PDE7B: variants seen among roughly 807,000 people sequenced by gnomAD.
The protein encoded by PDE7B is 3',5'-cyclic-AMP phosphodiesterase 7B.
In PDE7B, 29 loss-of-function variants were observed where a neutral mutation model predicts 56.2. The observed-to-expected ratio is 0.52, with a 90% CI of 0.38 to 0.70. The LOEUF (loss-of-function observed/expected upper bound fraction) is 0.70, where lower values mean the gene tolerates loss of function less well. Among genes scored for constraint, PDE7B ranks in the 30% least tolerant of loss-of-function variants. The pLI is 0.00. For synonymous variants in PDE7B, 197 were observed against 196.9 expected (o/e 1.00, Z 0.00); for missense variants, 490 against 565.0 (o/e 0.87, Z 1.35).
At chr6:135,915,565 A>G (rs78940374) in intron 1 of PDE7B, among the ~76,000 whole-genome samples, 4 of 152,200 alleles carry the variant, frequency 2.6e-5, no homozygotes, top group Admixed American at 6.5e-5. Flanking sequence ...TTTGGGGGGT[A>G]TAATTCGTAT....
chr6:136,033,261 A>AT lies in PDE7B; in HGVS notation c.83-75463dup, dbSNP rs910662919. Among the ~76,000 whole-genome samples, 15 of 152,312 alleles carry AT rather than the reference A, an allele frequency of 9.8e-5. 1 individual carries two copies. In the South Asian group the frequency reaches 1.5e-3, roughly 15 times the overall value. The stretch of plus-strand genomic sequence containing the variant: ...CTCAACCTTTTGTCTCACTGGACCC[A>AT]TTTTTTTGGAAAATTCACAGAGACA... On this transcript the variant is annotated intron_variant, in intron 2 of 12. Transcript: ENST00000308191.
At chr6:135,901,217 T>C (rs1775993956) in intron 1 of PDE7B, among the ~76,000 whole-genome samples, 1 of 152,202 alleles carries the variant, frequency 6.6e-6, no homozygotes, top group Non-Finnish European at 1.5e-5. Flanking sequence ...CATTCATACT[T>C]GGGCTTCTCC....
At chr6:136,133,302 T>C (rs1025666836) in intron 3 of PDE7B, among the ~76,000 whole-genome samples, 10 of 151,378 alleles carry the variant, frequency 6.6e-5, no homozygotes, top group Non-Finnish European at 1.2e-4. Flanking sequence ...GTTTTCTTTC[T>C]GGAAGTTTTT....
intron 4 of PDE7B, 61 bp downstream of exon 4, chr6:136,147,563 G>C (rs1778437958): frequency 1.4e-6 from 2 of 1,431,482 alleles, no homozygotes; most frequent in Non-Finnish European, 9.8e-7. Context: ...TGCCTCAGCT[G>C]ATAGCACTGG....
At chr6:135,958,357 C>A (rs1774837354) in intron 2 of PDE7B, among the ~76,000 whole-genome samples, 2 of 152,260 alleles carry the variant, frequency 1.3e-5, no homozygotes, top group Non-Finnish European at 2.9e-5. Flanking sequence ...TTGTATACAT[C>A]AAACTGTACT....
chr6:135,892,876 T>A (rs1350318364), intron 1 of PDE7B, among the ~76,000 whole-genome samples: 1 of 152,204 alleles, frequency 6.6e-6, no homozygotes, highest in Non-Finnish European at 1.5e-5. Flanking sequence ...GCTGTATAAA[T>A]GAGACATATG....
intron 1 of PDE7B, among the ~76,000 whole-genome samples, chr6:135,940,051 T>A (rs1235696310): frequency 6.6e-6 from 1 of 152,194 alleles, no homozygotes; most frequent in Non-Finnish European, 1.5e-5. Context: ...GATTTTTTTT[T>A]AAATCACTAT....
At chr6:136,006,386 G>A (rs2128206649) in intron 2 of PDE7B, among the ~76,000 whole-genome samples, 1 of 152,108 alleles carries the variant, frequency 6.6e-6, no homozygotes, top group Middle Eastern at 3.4e-3. Context: ...GATTGTCTTG[G>A]CTATCTGGGC....
At chr6:136,107,172 G>C (rs891536413) in intron 2 of PDE7B, among the ~76,000 whole-genome samples, 3 of 152,148 alleles carry the variant, frequency 2.0e-5, no homozygotes, top group Admixed American at 6.6e-5. Flanking sequence ...GCAGCTGATG[G>C]GGATCTCACC....
At chr6:135,975,147 T>G (rs75855805) in intron 2 of PDE7B, among the ~76,000 whole-genome samples, 1 of 151,990 alleles carries the variant, frequency 6.6e-6, no homozygotes, top group East Asian at 1.9e-4. Context: ...GTTTTTTTTT[T>G]GTTTTGTTTT....
At chr6:135,892,287 G>T (rs1041030847) in intron 1 of PDE7B, among the ~76,000 whole-genome samples, 1 of 152,074 alleles carries the variant, frequency 6.6e-6, no homozygotes, top group Non-Finnish European at 1.5e-5. Context: ...TTTCAGAAAC[G>T]TGAGAATCAA....
chr6:136,122,198 T>C (rs1033340265), intron 3 of PDE7B, among the ~76,000 whole-genome samples: 18 of 152,042 alleles, frequency 1.2e-4, no homozygotes, highest in Admixed American at 1.0e-3. Context: ...GGTTTCACCG[T>C]GTTAGCCAGG....
At chr6:136,029,276 T>C (rs551996773) in intron 2 of PDE7B, among the ~76,000 whole-genome samples, 1 of 152,152 alleles carries the variant, frequency 6.6e-6, no homozygotes, top group Admixed American at 6.5e-5. Flanking sequence ...ATCAATTGCC[T>C]CCTCAAAGTT....
At chr6:135,933,661 G>A (rs575350599) in intron 1 of PDE7B, among the ~76,000 whole-genome samples, 246 of 152,184 alleles carry the variant, frequency 1.6e-3, no homozygotes, top group African/African-American at 5.5e-3. Context: ...TAAAAAATTC[G>A]AATAAGCAAA....
At chr6:136,029,006 G>T (rs1776195658) in intron 2 of PDE7B, among the ~76,000 whole-genome samples, 1 of 152,168 alleles carries the variant, frequency 6.6e-6, no homozygotes, top group African/African-American at 2.4e-5. Flanking sequence ...TGTGTTTACA[G>T]GACTAGGTGA....
chr6:135,877,730 C>A (rs1414221252), intron 1 of PDE7B, among the ~76,000 whole-genome samples: 4 of 148,900 alleles, frequency 2.7e-5, no homozygotes, highest in Non-Finnish European at 5.9e-5. Context: ...AGTACACAGA[C>A]CTCCAGGAAA....
intron 2 of PDE7B, among the ~76,000 whole-genome samples, chr6:136,104,851 G>A (rs547118859): frequency 6.6e-6 from 1 of 152,310 alleles, no homozygotes; most frequent in East Asian, 1.9e-4. Context: ...TTAGGTTTAT[G>A]AGGAATCAGC....
chr6:135,870,101 G>A (rs538117142), intron 1 of PDE7B, among the ~76,000 whole-genome samples: 3 of 152,172 alleles, frequency 2.0e-5, no homozygotes, highest in Non-Finnish European at 4.4e-5. Context: ...GGCTAGGGAC[G>A]ACATCATAAG....
At chr6:135,977,300 A>T in intron 2 of PDE7B, among the ~76,000 whole-genome samples, 1 of 152,134 alleles carries the variant, frequency 6.6e-6, no homozygotes. Context: ...GGATGGGTGG[A>T]GATATGGTTC....
Sources: gnomAD v4.1 joint callset for allele counts (sites outside exome capture counted in the v4.1 genomes callset) on GRCh38, gnomAD v4.1.1 for gene constraint, MANE v1.5 for transcripts, NCBI Gene and HGNC (gene_info 2026-07-23, HGNC 2026-07-21) for gene names.